Variants in PCDHGA1 observed in about 807,000 individuals in gnomAD.
PCDHGA1 encodes protocadherin gamma subfamily A, 1, also known as protocadherin gamma-A1.
A neutral mutation model predicts 58.0 loss-of-function variants in PCDHGA1; 32 were observed. That is an observed-to-expected ratio of 0.55 (90% confidence interval 0.42 to 0.74). The LOEUF (loss-of-function observed/expected upper bound fraction) is 0.74. Among genes scored for constraint, PCDHGA1 ranks in the 30% least tolerant of loss-of-function variants. The pLI is 0.00. For synonymous variants in PCDHGA1, 498 were observed against 501.1 expected, an observed-to-expected ratio of 0.99 and a Z score of 0.08; for missense variants, 1,205 against 1,182.3, an observed-to-expected ratio of 1.02 and a Z score of -0.28.
Position 141,337,745 on chromosome 5 carries a change from G to T in PCDHGA1, c.2421+4640G>T, listed in dbSNP as rs764570820. On this transcript the variant is annotated intron_variant, in intron 1 of 3. Coordinates refer to ENST00000517417, the MANE Select transcript of PCDHGA1 (RefSeq NM_018912.3). ...TAATTTGAATGTACTTAATGTCACA[G>T]AATTGTATGCTTGACTATGGTCAAA... is the stretch of plus-strand genomic sequence containing the variant. Among the ~76,000 whole-genome samples, 5 of 152,292 alleles carry T rather than the reference G, an allele frequency of 3.3e-5. No homozygotes were observed. In the South Asian group the frequency reaches 1.0e-3, roughly 32 times the overall value.
intron 1 of PCDHGA1, chr5:141,374,609 A>T (rs1189289267): frequency 1.9e-6 from 3 of 1,613,652 alleles, no homozygotes; most frequent in Non-Finnish European, 2.5e-6. Context: ...CAGTGGTAAT[A>T]GTCACTTCTC....
intron 1 of PCDHGA1, chr5:141,389,412 G>T (rs1039259671): frequency 5.6e-6 from 9 of 1,613,470 alleles, no homozygotes; most frequent in Non-Finnish European, 7.6e-6. Flanking sequence ...CGCGGAGAGC[G>T]GGGTGGTGTT....
intron 1 of PCDHGA1, chr5:141,393,816 A>T: frequency 6.2e-7 from 1 of 1,613,988 alleles, no homozygotes; most frequent in South Asian, 1.1e-5. Context: ...CAAATTGCTC[A>T]TTTCGGTGGA....
chr5:141,376,073 G>T, intron 1 of PCDHGA1: 6 of 1,613,508 alleles, frequency 3.7e-6, no homozygotes, highest in South Asian at 1.1e-5. Context: ...CACCGTGGCC[G>T]TGGCCGACAG....
intron 1 of PCDHGA1, chr5:141,424,522 T>C (rs2096826398): frequency 6.6e-6 from 1 of 152,212 alleles, no homozygotes; most frequent in South Asian, 2.1e-4. Flanking sequence ...ATGTAGTAAA[T>C]CCATATATAG....
chr5:141,507,097 A>G (rs1343795018), intron 3 of PCDHGA1: 1 of 152,082 alleles, frequency 6.6e-6, no homozygotes, highest in African/African-American at 2.4e-5. Flanking sequence ...TGCTCTTTCT[A>G]CTATAGGGAC....
chr5:141,346,567 CCTTT>C, intron 1 of PCDHGA1: 1 of 1,440,334 alleles, frequency 6.9e-7, no homozygotes, highest in Non-Finnish European at 9.4e-7. Flanking sequence ...TGTCATTAGT[CCTTT>C]GACTAAATAT....
At chr5:141,467,185 TG>T (rs1295935271) in intron 1 of PCDHGA1, among the ~76,000 whole-genome samples, 1 of 152,004 alleles carries the variant, frequency 6.6e-6, no homozygotes, top group African/African-American at 2.4e-5. Context: ...CCCAAGTAGC[TG>T]GGATTACAGG....
chr5:141,390,144 G>A, intron 1 of PCDHGA1: 1 of 1,614,036 alleles, frequency 6.2e-7, no homozygotes, highest in South Asian at 1.1e-5. Context: ...CAATCTATGT[G>A]TTGCACATAC....
intron 1 of PCDHGA1, among the ~76,000 whole-genome samples, chr5:141,347,000 C>A (rs1241334235): frequency 6.7e-6 from 1 of 148,414 alleles, no homozygotes; most frequent in Non-Finnish European, 1.5e-5. Context: ...TTTTCTTTCT[C>A]CTTCCTTCCT....
rs781026604 is a variant in PCDHGA1, at chr5:141,490,471, C to G, written c.2422-4336C>G. ...CCACTACTCGCTGCTAACCAGCCAG[C>G]CTTTGGACCGGGAGGCCACATCCCA... On this transcript the variant is annotated intron_variant, in intron 1 of 3. Coordinates refer to ENST00000517417, the MANE Select transcript of PCDHGA1 (RefSeq NM_018912.3). The surrounding 1 kb of genome is among the most constrained non-coding windows in gnomAD (Gnocchi z 5.4). 12 of 1,614,096 alleles carry G rather than the reference C, an allele frequency of 7.4e-6. No homozygotes were observed. The highest frequency in any genetic ancestry group is 1.1e-5 in the South Asian group (1 of 91,092).
In PCDHGA1 at chr5:141,431,280, C is replaced by T. The variant is rs2097357763; in HGVS notation, c.2422-63527C>T. The T allele has an allele frequency of 1.9e-6, 3 of 1,614,146 alleles. No homozygotes were observed. Among genetic ancestry groups the T allele is most frequent in the South Asian group, 1.1e-5 (1 of 91,088 alleles). ...TCTCTGCAGAGCTACGAGCTCAGCC[C>T]GAACACTCACTTCTCCCTCATCGTG... On this transcript the variant is annotated intron_variant, in intron 1 of 3. Transcript: ENST00000517417. This position sits in a 1 kb window ranked among gnomAD's most constrained non-coding sequence, Gnocchi z 4.8.
At chr5:141,388,798 TA>T in intron 1 of PCDHGA1, 3 of 1,613,888 alleles carry the variant, frequency 1.9e-6, no homozygotes, top group Non-Finnish European at 2.5e-6. Flanking sequence ...TTAAATACAT[TA>T]GATTTTGAAG....
intron 3 of PCDHGA1, among the ~76,000 whole-genome samples, chr5:141,510,244 G>A (rs549784078): frequency 6.6e-6 from 1 of 151,116 alleles, no homozygotes; most frequent in African/African-American, 2.4e-5. Flanking sequence ...CTGCACTCCA[G>A]GCTGGGCGAC....
At chr5:141,335,109 C>A (rs564588183) in intron 1 of PCDHGA1, among the ~76,000 whole-genome samples, 5 of 152,126 alleles carry the variant, frequency 3.3e-5, no homozygotes, top group Non-Finnish European at 7.4e-5. Flanking sequence ...GTGTCTGTTG[C>A]ATTTTTATTT....
intron 1 of PCDHGA1, chr5:141,399,474 C>T (rs1282833757): frequency 6.2e-7 from 1 of 1,614,032 alleles, no homozygotes; most frequent in South Asian, 1.1e-5. Flanking sequence ...CGGTTTTCCA[C>T]CAGGCGTCCT....
At chr5:141,415,879 T>C (rs1002596454) in intron 1 of PCDHGA1, 1 of 1,003,176 alleles carries the variant, frequency 1.0e-6, no homozygotes, top group African/African-American at 1.7e-5. Context: ...TTGAGTACAA[T>C]ATTGACAATT....
rs2099606506 is a variant in PCDHGA1 at position 141,485,072 on chromosome 5, G to A, written c.2422-9735G>A. ...CCGGCCGAACCGCGCCAGAGCTGGC[G>A]CGGGGAAAGGGAGATAGGTGTCTCC... On this transcript the variant is annotated intron_variant, in intron 1 of 3. Transcript: ENST00000517417. This position sits in a 1 kb window ranked among gnomAD's most constrained non-coding sequence, Gnocchi z 5.7. 2 of 916,892 alleles carry A rather than the reference G, an allele frequency of 2.2e-6. No homozygotes were observed. The highest frequency in any genetic ancestry group is 3.4e-6 in the Non-Finnish European group (2 of 587,886). The allele number at this position is 916,892 out of a possible 1,614,324, so 56.8% of individuals were successfully genotyped here.
At chr5:141,390,466 G>C (rs753916175) in intron 1 of PCDHGA1, 7 of 711,916 alleles carry the variant, frequency 9.8e-6, no homozygotes, top group Admixed American at 3.0e-5. Context: ...AGGAGCAATT[G>C]TGTGGCCCAA....
Sources: allele counts gnomAD v4.1 joint callset (sites outside exome capture counted in the v4.1 genomes callset), GRCh38; gene constraint gnomAD v4.1.1; non-coding constraint Gnocchi (gnomAD v3.1); transcripts MANE v1.5; gene names NCBI Gene and HGNC (gene_info 2026-07-23, HGNC 2026-07-21).